UPP1: variants seen among roughly 807,000 people sequenced by gnomAD.
The protein encoded by UPP1 is uridine phosphorylase 1.
In UPP1, 25 loss-of-function variants were observed where a neutral mutation model predicts 29.6. The observed-to-expected ratio is 0.85, with a 90% confidence interval of 0.62 to 1.18. The LOEUF (loss-of-function observed/expected upper bound fraction) is 1.18. UPP1 is among the 50% of genes most tolerant of loss of function. UPP1 has a pLI of 0.00. For missense variants in UPP1, 368 were observed against 410.4 expected (o/e 0.90, Z 0.89); for synonymous variants, 165 against 159.8 (o/e 1.03, Z -0.25).
intron 1 of UPP1, 200 bp downstream of exon 1, chr7:48,089,618 C>CTG (rs531197657): frequency 6.5e-6 from 1 of 153,374 alleles, no homozygotes; most frequent in South Asian, 2.0e-4. Context: ...GGTTCTGGGG[C>CTG]TGGTGTGTGC....
intron 2 of UPP1, among the ~76,000 whole-genome samples, chr7:48,092,656 G>A (rs1444735411): frequency 6.6e-6 from 1 of 151,728 alleles, no homozygotes; most frequent in African/African-American, 2.4e-5. Context: ...AGCTGTGATT[G>A]CACCACTCCA....
chr7:48,101,235 TAAAA>T (rs199622575), intron 4 of UPP1, among the ~76,000 whole-genome samples: 1 of 151,782 alleles, frequency 6.6e-6, no homozygotes, highest in East Asian at 1.9e-4. Flanking sequence ...CTTACTCACT[TAAAA>T]AAATTTTTTT....
intron 6 of UPP1, chr7:48,103,692 C>A: frequency 1.6e-6 from 2 of 1,215,488 alleles, no homozygotes; most frequent in East Asian, 4.7e-5. Context: ...GCCTTCTTGT[C>A]TGCTTGATTC....
At chr7:48,104,711 C>T (rs1268810859) in intron 6 of UPP1, 3 of 152,142 alleles carry the variant, frequency 2.0e-5, no homozygotes, top group Non-Finnish European at 2.9e-5. Flanking sequence ...CCAAGTTTAG[C>T]GAAATTGTCC....
chr7:48,095,562 G>A (rs1162602323), intron 3 of UPP1, among the ~76,000 whole-genome samples: 1 of 152,016 alleles, frequency 6.6e-6, no homozygotes, highest in Non-Finnish European at 1.5e-5. Context: ...AATTCCATAT[G>A]GACAATGCTC....
At chr7:48,091,212 A>G (rs566391501) in intron 2 of UPP1, among the ~76,000 whole-genome samples, 2 of 152,090 alleles carry the variant, frequency 1.3e-5, no homozygotes, top group African/African-American at 4.8e-5. Flanking sequence ...AAGCTAAGTT[A>G]TTTATGCAAG....
At chr7:48,099,967 C>T (rs1161069534) in intron 4 of UPP1, among the ~76,000 whole-genome samples, 180 bp downstream of exon 4, 5 of 152,226 alleles carry the variant, frequency 3.3e-5, no homozygotes, top group Non-Finnish European at 1.5e-5. Context: ...GCAAGTAAAA[C>T]TATCCTAAGT....
rs367550440 is a variant in UPP1, at chr7:48,101,777, C to G, written c.163-47C>G. On this transcript the variant is annotated intron_variant, in intron 4 of 8. Transcript: ENST00000395564. Reference sequence around the variant, plus strand: ...GTCTAGGGGCCCCACTTGAGGACCTCTGCTATAGACAGTGCACTAATGGGG... The same window carrying G: ...GTCTAGGGGCCCCACTTGAGGACCTGTGCTATAGACAGTGCACTAATGGGG... 5 of 1,576,286 alleles carry G rather than the reference C, an allele frequency of 3.2e-6. No individual in the cohort carries two copies. In the South Asian group the frequency reaches 4.6e-5, roughly 15 times the overall value.
rs764051954 is a variant in UPP1, at chr7:48,101,908, A to G, written c.247A>G (p.Arg83Gly). The G allele has an allele frequency of 2.0e-5, 32 of 1,613,894 alleles. No individual in the cohort carries two copies. Among genetic ancestry groups the G allele is most frequent in the South Asian group, 1.1e-4 (10 of 91,086 alleles). ...AGAGCTGGGCCTTGACTGCCCAGGT[A>G]GAGACTATCCCAACATCTGTGCGGG... Reference protein sequence around the residue: ...GAELGLDCPGRDYPNICAGTD... With the variant: ...GAELGLDCPGGDYPNICAGTD... Residue 83 changes from arginine (R) to glycine (G), a missense_variant, in exon 5 of 9, where the codon AGA becomes GGA. By Grantham distance (125) the Arg-to-Gly change is moderately radical. Coordinates refer to ENST00000395564, the MANE Select transcript of UPP1 (RefSeq NM_003364.4).
chr7:48,090,886 G>A (rs1791792752), intron 2 of UPP1, among the ~76,000 whole-genome samples: 1 of 152,130 alleles, frequency 6.6e-6, no homozygotes, highest in Non-Finnish European at 1.5e-5. Context: ...TATATTCTTG[G>A]TTCCAATACT....
intron 2 of UPP1, among the ~76,000 whole-genome samples, chr7:48,091,533 T>TA (rs1394777034): frequency 6.6e-5 from 10 of 152,224 alleles, no homozygotes; most frequent in Admixed American, 5.9e-4. Context: ...TTCATTTCCT[T>TA]ACGGAAGTTG....
intron 5 of UPP1, among the ~76,000 whole-genome samples, chr7:48,102,603 G>C (rs916485721): frequency 1.3e-5 from 2 of 152,150 alleles, no homozygotes; most frequent in Non-Finnish European, 2.9e-5. Flanking sequence ...ACATGACTAG[G>C]TTACTGATAA....
intron 3 of UPP1, among the ~76,000 whole-genome samples, chr7:48,097,007 A>G (rs1361570619): frequency 1.3e-5 from 2 of 152,152 alleles, no homozygotes; most frequent in Non-Finnish European, 2.9e-5. Flanking sequence ...GACAGTTTTC[A>G]TTTCATTTCA....
Position 48,101,962 on chromosome 7 carries a change from G to C in UPP1, c.301G>C (p.Gly101Arg). ...TGACCGCTATGCCATGTATAAAGTA[G>C]GACCGGTGCTGTCTGTCAGTGTGAG... Reference protein sequence around the residue: ...GTDRYAMYKVGPVLSVSHGMG... With the variant: ...GTDRYAMYKVRPVLSVSHGMG... The change falls in exon 5 of 9, where the codon GGA becomes CGA. Residue 101 changes from glycine to arginine, a missense_variant. Coordinates refer to ENST00000395564, the MANE Select transcript of UPP1 (RefSeq NM_003364.4). The C allele has an allele frequency of 6.2e-7, 1 of 1,613,792 alleles. No homozygotes were observed. Among genetic ancestry groups the C allele is most frequent in the Non-Finnish European group, 8.5e-7 (1 of 1,179,840 alleles).
intron 4 of UPP1, among the ~76,000 whole-genome samples, chr7:48,100,605 A>G (rs1019682357): frequency 2.6e-5 from 4 of 152,212 alleles, no homozygotes; most frequent in African/African-American, 9.6e-5. Context: ...TTAACGTAGG[A>G]CTTTGAAATG....
chr7:48,105,440 AACT>A (rs1792679233), intron 6 of UPP1: 1 of 152,224 alleles, frequency 6.6e-6, no homozygotes, highest in Admixed American at 6.5e-5. Context: ...TCATGAAAAC[AACT>A]GACTTGGGAG....
intron 5 of UPP1, among the ~76,000 whole-genome samples, chr7:48,102,652 G>A (rs1233118299): frequency 8.5e-5 from 13 of 152,152 alleles, no homozygotes; most frequent in African/African-American, 3.1e-4. Context: ...CTCCGTGACC[G>A]ATTCTAGCAG....
At chr7:48,106,170 TA>T (rs1792721925) in intron 6 of UPP1, 1 of 152,648 alleles carries the variant, frequency 6.6e-6, no homozygotes, top group Admixed American at 6.5e-5. Context: ...AAATCTTAAA[TA>T]TTAACAAGGT....
chr7:48,093,322 A>G (rs1367642098), intron 2 of UPP1, among the ~76,000 whole-genome samples: 1 of 152,212 alleles, frequency 6.6e-6, no homozygotes. Context: ...GCTTGGTGAC[A>G]AGAGACTGCT....
Sources: allele counts gnomAD v4.1 joint callset (sites outside exome capture counted in the v4.1 genomes callset), GRCh38; gene constraint gnomAD v4.1.1; transcripts MANE v1.5; gene names NCBI Gene and HGNC (gene_info 2026-07-23, HGNC 2026-07-21).